GABBR2: variants seen among roughly 807,000 people sequenced by gnomAD.
GABBR2 encodes G-protein coupled receptor 51.
In GABBR2, 23 loss-of-function variants were observed where a neutral mutation model predicts 105.6. The ratio of observed to expected loss-of-function variants is 0.22; its 90% confidence interval spans 0.16 to 0.31. GABBR2 has a LOEUF of 0.31. GABBR2 is among the 10% of genes least tolerant of loss of function. The pLI is 1.00. For missense variants in GABBR2, 734 were observed against 1,245.5 expected, an observed-to-expected ratio of 0.59 and a Z score of 6.18; for synonymous variants, 478 against 499.7, an observed-to-expected ratio of 0.96 and a Z score of 0.58.
At chr9:98,421,041 A>G (rs969965199) in intron 7 of GABBR2, among the ~76,000 whole-genome samples, 1 of 152,240 alleles carries the variant, frequency 6.6e-6, no homozygotes, top group Non-Finnish European at 1.5e-5. Flanking sequence ...AAAACAAACA[A>G]GCCAGTAGAA....
intron 6 of GABBR2, among the ~76,000 whole-genome samples, chr9:98,461,965 G>T (rs1168698089): frequency 6.6e-6 from 1 of 152,174 alleles, no homozygotes; most frequent in Non-Finnish European, 1.5e-5. Flanking sequence ...AAACCATTCA[G>T]GGGGGATCCA....
chr9:98,622,303 T>A (rs1017033252), intron 1 of GABBR2, among the ~76,000 whole-genome samples: 1 of 152,020 alleles, frequency 6.6e-6, no homozygotes, highest in Non-Finnish European at 1.5e-5. Flanking sequence ...TAGCTGGGAC[T>A]ATAGGCGCAC....
intron 7 of GABBR2, among the ~76,000 whole-genome samples, chr9:98,430,937 T>G (rs76027089): frequency 1.8e-5 from 2 of 111,976 alleles, no homozygotes; most frequent in African/African-American, 4.2e-5. Flanking sequence ...ATTTGGACTG[T>G]TTTTTTTTTT....
chr9:98,569,816 G>T (rs1828802428), intron 2 of GABBR2, among the ~76,000 whole-genome samples: 1 of 152,086 alleles, frequency 6.6e-6, no homozygotes, highest in Non-Finnish European at 1.5e-5. Flanking sequence ...AATTCCACAA[G>T]CCACAGCTAA....
At chr9:98,402,738 C>G (rs1419522639) in intron 8 of GABBR2, among the ~76,000 whole-genome samples, 1 of 152,106 alleles carries the variant, frequency 6.6e-6, no homozygotes, top group Admixed American at 6.5e-5. Context: ...GGAAAGGATG[C>G]TGGGGTATTT....
chr9:98,586,680 A>T (rs1829082280), intron 1 of GABBR2, among the ~76,000 whole-genome samples: 3 of 152,208 alleles, frequency 2.0e-5, no homozygotes, highest in South Asian at 4.1e-4. Flanking sequence ...TTCCGAACAT[A>T]CATATAAGTG....
At chr9:98,578,473 G>C (rs546313644) in intron 1 of GABBR2, among the ~76,000 whole-genome samples, 1 of 152,118 alleles carries the variant, frequency 6.6e-6, no homozygotes, top group African/African-American at 2.4e-5. Flanking sequence ...GTATTGGCAA[G>C]GGTGTGGAGA....
At chr9:98,420,925 T>C (rs114458531) in intron 7 of GABBR2, among the ~76,000 whole-genome samples, 102 of 152,252 alleles carry the variant, frequency 6.7e-4, no homozygotes, top group African/African-American at 2.0e-3. Flanking sequence ...GAAAGGCCTG[T>C]AGCAAAGTCA....
intron 1 of GABBR2, among the ~76,000 whole-genome samples, chr9:98,580,401 C>T (rs1270777342): frequency 2.0e-5 from 3 of 152,150 alleles, no homozygotes; most frequent in Non-Finnish European, 4.4e-5. Context: ...GATTTCCTAA[C>T]TAGAATGAAA....
intron 5 of GABBR2, among the ~76,000 whole-genome samples, chr9:98,479,243 C>A (rs1826859889): frequency 2.0e-5 from 3 of 152,148 alleles, no homozygotes. Context: ...CATCTTTGGA[C>A]ACCTGAGACC....
rs1172501065 is a variant in GABBR2 at position 98,577,926 on chromosome 9, A to T, written c.459+9T>A. ...ACCTCCCCACAAAAGAAGGTAGCTC[A>T]GACCTTACCTGCACCAGATTCCAGC... On this transcript the variant is annotated intron_variant, in intron 2 of 18. Transcript: ENST00000259455. 6.2e-7 allele frequency: 1 copy of T among 1,604,636 alleles called. No individual in the cohort carries two copies. The highest frequency in any genetic ancestry group is 1.7e-5 in the Admixed American group (1 of 58,434).
At chr9:98,442,104 C>T (rs1447087888) in intron 7 of GABBR2, among the ~76,000 whole-genome samples, 1 of 152,184 alleles carries the variant, frequency 6.6e-6, no homozygotes, top group Non-Finnish European at 1.5e-5. Context: ...TTTTGAAACA[C>T]ATGAATAAGT....
Position 98,316,555 on chromosome 9 carries a change from T to C in GABBR2, c.1894-5350A>G, listed in dbSNP as rs78842314. Among the ~76,000 whole-genome samples, 202 of 152,316 alleles carry C rather than the reference T, an allele frequency of 1.3e-3. 5 individuals carry two copies. In the East Asian group the frequency reaches 0.026, roughly 20 times the overall value. ...GTGAATAACTGTTAAGCACTACCAT[T>C]TGCCAGATACTGTTCTGGGCATGCA... On this transcript the variant is annotated intron_variant, in intron 13 of 18. Transcript: ENST00000259455.
At chr9:98,625,862 G>C (rs1015387911) in intron 1 of GABBR2, among the ~76,000 whole-genome samples, 1 of 152,212 alleles carries the variant, frequency 6.6e-6, no homozygotes, top group Non-Finnish European at 1.5e-5. Flanking sequence ...TGAAGAAACT[G>C]AGACTCAGGG....
intron 3 of GABBR2, among the ~76,000 whole-genome samples, chr9:98,504,113 T>A (rs1827459603): frequency 6.6e-6 from 1 of 152,018 alleles, no homozygotes; most frequent in Non-Finnish European, 1.5e-5. Flanking sequence ...AGTAGGTACA[T>A]CTCATCTTTA....
chr9:98,297,635 A>G (rs1830402735), intron 17 of GABBR2, among the ~76,000 whole-genome samples: 1 of 143,850 alleles, frequency 7.0e-6, no homozygotes, highest in South Asian at 2.2e-4. Context: ...AAATAAATAA[A>G]TAAAATAAAG....
chr9:98,312,450 G>A (rs756311572), intron 13 of GABBR2, among the ~76,000 whole-genome samples: 1 of 152,150 alleles, frequency 6.6e-6, no homozygotes, highest in African/African-American at 2.4e-5. Flanking sequence ...TCAGGGGGAC[G>A]CGTTGGCACT....
chr9:98,702,197 G>A (rs902707930), intron 1 of GABBR2, among the ~76,000 whole-genome samples: 1 of 152,042 alleles, frequency 6.6e-6, no homozygotes, highest in African/African-American at 2.4e-5. Flanking sequence ...AGGTGAGCAC[G>A]TGGCCTCACC....
chr9:98,434,341 G>C (rs986723595), intron 7 of GABBR2, among the ~76,000 whole-genome samples: 5 of 152,110 alleles, frequency 3.3e-5, no homozygotes, highest in African/African-American at 1.2e-4. Context: ...TATCCTATTA[G>C]TTCTGTCTCT....
Sources: allele counts gnomAD v4.1 joint callset (sites outside exome capture counted in the v4.1 genomes callset), GRCh38; gene constraint gnomAD v4.1.1; transcripts MANE v1.5; gene names NCBI Gene and HGNC (gene_info 2026-07-23, HGNC 2026-07-21).